The following HEXD variants were observed in gnomAD, a reference collection of about 807,000 sequenced individuals.
HEXD encodes N-acetyl-beta-galactosaminidase.
Under a neutral mutation model 54.2 loss-of-function variants are expected in HEXD, and 47 were observed. The ratio of observed to expected loss-of-function variants is 0.87; its 90% CI spans 0.69 to 1.11. The LOEUF is 1.11. Ranked by LOEUF, HEXD falls within the 50% of genes least tolerant of loss-of-function variation. The pLI is 0.00. For synonymous variants in HEXD, 293 were observed against 287.6 expected (o/e 1.02, Z -0.19); for missense variants, 576 against 649.2 (o/e 0.89, Z 1.23).
At chr17:82,423,066 AAAG>A in intron 2 of HEXD, among the ~76,000 whole-genome samples, 1 of 151,880 alleles carries the variant, frequency 6.6e-6, no homozygotes, top group East Asian at 1.9e-4. Context: ...TCAAAAAAAA[AAAG>A]AAAGGAAAGG....
At chr17:82,438,206 C>G (rs1599751877) in intron 8 of HEXD, among the ~76,000 whole-genome samples, 1 of 152,022 alleles carries the variant, frequency 6.6e-6, no homozygotes, top group East Asian at 1.9e-4. Flanking sequence ...CCGCTGCACT[C>G]CAGCCTGGGC....
chr17:82,441,169 G>A lies in HEXD; in HGVS notation c.1066G>A (p.Gly356Arg). 6.2e-7 allele frequency: 1 copy of A among 1,613,284 alleles called. No individual in the cohort carries two copies. The highest frequency in any genetic ancestry group is 8.5e-7 in the Non-Finnish European group (1 of 1,180,004). ...SLEKTDPVRE[G>R]AGSFPGSNIL... ...TCTCAGCAGGGCTCTCCGCAGGGAG[G>A]GGGCCGGCTCCTTCCCTGGCAGCAA... is the stretch of plus-strand genomic sequence containing the variant. The change falls in exon 11 of 13, where the codon GGG (glycine) becomes AGG (arginine). Residue 356 changes from glycine to arginine, a missense_variant. Coordinates refer to ENST00000327949, the MANE Select transcript of HEXD (RefSeq NM_001330542.2).
intron 4 of HEXD, among the ~76,000 whole-genome samples, chr17:82,431,128 G>A (rs2053564237): frequency 6.6e-6 from 1 of 151,448 alleles, no homozygotes; most frequent in Non-Finnish European, 1.5e-5. Flanking sequence ...TCAGCCTCCT[G>A]AGTAGCAGGG....
At chr17:82,421,085 T>C (rs1256026215) in intron 2 of HEXD, among the ~76,000 whole-genome samples, 1 of 151,544 alleles carries the variant, frequency 6.6e-6, no homozygotes, top group East Asian at 1.9e-4. Context: ...ACCCAGAAAA[T>C]AGCCTCAAAA....
chr17:82,424,052 C>G (rs2053321257), intron 2 of HEXD, among the ~76,000 whole-genome samples: 1 of 151,850 alleles, frequency 6.6e-6, no homozygotes, highest in African/African-American at 2.4e-5. Context: ...GCTGGTGCCC[C>G]TCAGCCTGGC....
At chr17:82,426,072 C>CAG (rs373138102) in intron 3 of HEXD, 5 of 145,482 alleles carry the variant, frequency 3.4e-5, no homozygotes, top group East Asian at 1.9e-4. Flanking sequence ...TAAAGAAAGA[C>CAG]AGAGAGAGAG....
chr17:82,438,774 G>A (rs1315198102), intron 8 of HEXD, among the ~76,000 whole-genome samples: 1 of 152,238 alleles, frequency 6.6e-6, no homozygotes, highest in East Asian at 1.9e-4. Context: ...CTGCTAGAGG[G>A]GCAGCTCACA....
Position 82,419,736 on chromosome 17 carries a change from T to C in HEXD, c.-51-13T>C. ...TTCTGCCCCTGTTGATAACTCTTGA[T>C]TTTCTCCACTAGGAAGAAGTCCCCA... On this transcript the variant is annotated splice_polypyrimidine_tract_variant and intron_variant, in intron 1 of 12. Transcript: ENST00000327949. 2 of 1,035,316 alleles carry C rather than the reference T, an allele frequency of 1.9e-6. No homozygotes were observed. The highest frequency in any genetic ancestry group is 1.5e-6 in the Non-Finnish European group (1 of 668,156). The allele number at this position is 1,035,316 out of a possible 1,614,324, so 64.1% of individuals were successfully genotyped here.
chr17:82,433,110 ATATATATATATATATATATT>A (rs2053642914), intron 4 of HEXD, among the ~76,000 whole-genome samples: 1 of 16,570 alleles, frequency 6.0e-5, no homozygotes, highest in Non-Finnish European at 8.7e-5. Flanking sequence ...ATATATATAT[ATATATATATATATATATATT>A]TTTTTTTTTT....
Position 82,442,421 on chromosome 17 carries a change from T to TG in HEXD, c.*44dup, listed in dbSNP as rs751615819. ...ATGCCAGGGGGCTCCTGCTGGAGGC[T>TG]GGGGGGGCTCTGCACTGCCAAATGG... On this transcript the variant is annotated 3_prime_UTR_variant, in exon 13 of 13. Transcript: ENST00000327949. The surrounding 1 kb of genome is among the most constrained non-coding windows in gnomAD (Gnocchi z 6.8). 9.9e-6 allele frequency: 16 copies of TG among 1,609,716 alleles called. No individual in the cohort carries two copies. Among genetic ancestry groups the TG allele is most frequent in the East Asian group, 2.2e-5 (1 of 44,750 alleles).
At chr17:82,433,128 A>ATATATATATATATTT (rs71168109) in intron 4 of HEXD, among the ~76,000 whole-genome samples, 1 of 13,074 alleles carries the variant, frequency 7.6e-5, no homozygotes, top group African/African-American at 3.8e-4. Flanking sequence ...ATATATATAT[A>ATATATATATATATTT]TTTTTTTTTT....
intron 2 of HEXD, 144 bp from the exon 3 acceptor site, chr17:82,424,250 C>T (rs908083669): frequency 2.1e-5 from 14 of 657,910 alleles, no homozygotes; most frequent in East Asian, 1.3e-4. Flanking sequence ...GTACACATTC[C>T]GGATTTAAGG....
At chr17:82,440,186 G>T in intron 9 of HEXD, 30 of 1,290,308 alleles carry the variant, frequency 2.3e-5, no homozygotes, top group Non-Finnish European at 2.8e-5. Context: ...GTCGGCAGGG[G>T]GCTTGGCCAG....
At chr17:82,422,581 G>GA (rs774428124) in intron 2 of HEXD, among the ~76,000 whole-genome samples, 3 of 151,900 alleles carry the variant, frequency 2.0e-5, no homozygotes, top group Non-Finnish European at 2.9e-5. Flanking sequence ...GAATTATAAG[G>GA]AAAAAACAAT....
intron 4 of HEXD, among the ~76,000 whole-genome samples, chr17:82,430,723 T>C (rs1420466644): frequency 6.6e-6 from 1 of 152,004 alleles, no homozygotes; most frequent in Non-Finnish European, 1.5e-5. Flanking sequence ...AAATAACTGC[T>C]CAGGTGTTTT....
chr17:82,418,369 T>G lies in HEXD; in HGVS notation c.-423T>G, dbSNP rs1012273028. ...CCCAGTCCCGCCCACTCCATGGCCC[T>G]GTCCGCCGCCGCAGCGCGCGCCCTT... On this transcript the variant is annotated 5_prime_UTR_variant, in exon 1 of 13. Coordinates refer to ENST00000327949, the MANE Select transcript of HEXD (RefSeq NM_001330542.2). 6.0e-5 allele frequency: 75 copies of G among 1,251,550 alleles called. No homozygotes were observed. Among genetic ancestry groups the G allele is most frequent in the Non-Finnish European group, 7.6e-5 (72 of 951,466 alleles). 77.5% of individuals were successfully genotyped at this position (1,251,550 alleles called of 1,614,324 possible). A position where few individuals can be genotyped will look rare whatever the true frequency, so the allele number is the denominator to read the frequency against.
At chr17:82,437,033 C>CT in intron 7 of HEXD, 135 bp from the exon 8 acceptor site, 1 of 803,960 alleles carries the variant, frequency 1.2e-6, no homozygotes. Flanking sequence ...ACTCTGGAGT[C>CT]TCCTACACTG....
At chr17:82,439,264 G>C (rs1206547796) in intron 8 of HEXD, among the ~76,000 whole-genome samples, 2 of 152,218 alleles carry the variant, frequency 1.3e-5, no homozygotes, top group African/African-American at 4.8e-5. Flanking sequence ...CTAGGAGGGG[G>C]GCGTCAAGGG....
Position 82,442,541 on chromosome 17 carries a change from GGA to G in HEXD, c.*162_*163del. 6.3e-7 allele frequency: 1 copy of G among 1,587,318 alleles called. No homozygotes were observed. Among genetic ancestry groups the G allele is most frequent in the Non-Finnish European group, 8.6e-7 (1 of 1,158,202 alleles). On this transcript the variant is annotated 3_prime_UTR_variant, in exon 13 of 13. Transcript: ENST00000327949. The surrounding 1 kb of genome is among the most constrained non-coding windows in gnomAD (Gnocchi z 6.8). Reference sequence around the variant, plus strand: ...CTGAGGGCCCTGGGCAGCCCCTGGGGGAGAGACTAGAAAACACAGAAGGAAGC... The same window carrying G: ...CTGAGGGCCCTGGGCAGCCCCTGGGGGAGACTAGAAAACACAGAAGGAAGC...
Sources: gnomAD v4.1 joint callset for allele counts (sites outside exome capture counted in the v4.1 genomes callset) on GRCh38, gnomAD v4.1.1 for gene constraint, Gnocchi (gnomAD v3.1) non-coding constraint, MANE v1.5 for transcripts, NCBI Gene and HGNC (gene_info 2026-07-23, HGNC 2026-07-21) for gene names.